Variants in WDPCP observed in about 807,000 individuals in gnomAD.
WDPCP encodes the protein WD repeat containing planar cell polarity effector.
A neutral mutation model predicts 93.1 loss-of-function variants in WDPCP; 71 were observed. That is an observed-to-expected ratio of 0.76 (90% confidence interval 0.63 to 0.93). The LOEUF (loss-of-function observed/expected upper bound fraction) is 0.93. Ranked by LOEUF, WDPCP falls within the 40% of genes least tolerant of loss-of-function variation. WDPCP has a pLI of 0.00. For synonymous variants in WDPCP, 315 were observed against 315.0 expected (o/e 1.00, Z 0.00); for missense variants, 844 against 887.4 (o/e 0.95, Z 0.62).
chr2:63,475,375 A>C (rs550734534), intron 6 of WDPCP, among the ~76,000 whole-genome samples: 1 of 152,090 alleles, frequency 6.6e-6, no homozygotes, highest in Admixed American at 6.6e-5. Context: ...AGTCTCCTTT[A>C]TGAAATCTTA....
At chr2:63,611,105 A>C (rs899649947) in intron 3 of WDPCP, among the ~76,000 whole-genome samples, 3 of 152,156 alleles carry the variant, frequency 2.0e-5, no homozygotes, top group African/African-American at 7.2e-5. Context: ...CTCAAAAAAA[A>C]CCATAAAAGC....
intron 3 of WDPCP, chr2:63,594,239 T>A (rs1001849880): frequency 4.8e-5 from 28 of 578,764 alleles, no homozygotes; most frequent in Admixed American, 9.4e-5. Context: ...TGGTAAAATA[T>A]CCCAAAAAAG....
rs531046290 is a variant in WDPCP, at chr2:63,827,430, T to C, written n.222+192A>G. 2.0e-4 allele frequency among the ~76,000 whole-genome samples: 31 copies of C among 152,334 alleles called. No homozygotes were observed. In the South Asian group the frequency reaches 3.1e-3, roughly 15 times the overall value. On this transcript the variant is annotated intron_variant and non_coding_transcript_variant, in intron 1 of 4. Coordinates refer to the WDPCP transcript ENST00000467687. The stretch of plus-strand genomic sequence containing the variant: ...TGGTCTCCTATACATGTTGATTGCA[T>C]ATTGGCCTTATTAGTCACAGCCATC...
rs13412005 is a variant in WDPCP at position 63,514,430 on chromosome 2, C to T, written c.76-21490G>A. On this transcript the variant is annotated intron_variant, in intron 1 of 17. Transcript: ENST00000272321. Reference sequence around the variant, plus strand: ...TCCTTCAAACTGATGGTCCGTTTAACTACATGGGTTGCACCATTGATACAG... The same window carrying T: ...TCCTTCAAACTGATGGTCCGTTTAATTACATGGGTTGCACCATTGATACAG... Among the ~76,000 whole-genome samples, 249 of 152,192 alleles carry T rather than the reference C, an allele frequency of 1.6e-3. 4 individuals are homozygous for T. Among genetic ancestry groups the T allele is most frequent in the Middle Eastern group, 6.8e-3 (2 of 294 alleles).
intron 6 of WDPCP, among the ~76,000 whole-genome samples, chr2:63,467,927 G>A (rs148129286): frequency 1.3e-5 from 2 of 152,100 alleles, no homozygotes; most frequent in Non-Finnish European, 2.9e-5. Flanking sequence ...AAATCTTTGT[G>A]AGTGTGATGG....
intron 2 of WDPCP, among the ~76,000 whole-genome samples, chr2:63,722,345 CAT>C (rs1293068881): frequency 6.8e-6 from 1 of 147,872 alleles, no homozygotes; most frequent in Non-Finnish European, 1.5e-5. Flanking sequence ...CCCGGCCGCC[CAT>C]CGTCTGAGAT....
chr2:63,207,159 G>T (rs1323760516), intron 14 of WDPCP, among the ~76,000 whole-genome samples: 1 of 152,164 alleles, frequency 6.6e-6, no homozygotes, highest in African/African-American at 2.4e-5. Context: ...TTACATAGAT[G>T]TCTCAAGTCA....
chr2:63,313,304 T>A lies in WDPCP; in HGVS notation c.1756A>T (p.Arg586Trp). ...GCTAGGAGAAATGCCTTTTCAAACC[T>A]CTGGTACCTACAAGGCAGAAAAAAA... The part of the protein sequence containing the change: ...RFFHHLLRYQ[R>W]FEKAFLLAVD... Residue 586 changes from arginine to tryptophan, a missense_variant, in exon 13 of 18, where the codon AGG becomes TGG. Physicochemically the swap from Arg to Trp is moderately radical, Grantham distance 101 (BLOSUM62 -3). Coordinates refer to ENST00000272321, the MANE Select transcript of WDPCP (RefSeq NM_015910.7). The A allele has an allele frequency of 1.2e-6, 2 of 1,613,416 alleles. No homozygotes were observed. Among genetic ancestry groups the A allele is most frequent in the Non-Finnish European group, 1.7e-6 (2 of 1,179,582 alleles).
At position 63,236,438 on chromosome 2, in the gene WDPCP, A is replaced by G. The variant is rs1679398252; in HGVS notation, c.1915+22869T>C. On this transcript the variant is annotated intron_variant, in intron 14 of 17. Transcript: ENST00000272321. ...CACAGATTAAATGCTATTCCTATCC[A>G]GTTACCAAGGTCATTTTTCACAGAA... Among the ~76,000 whole-genome samples, 4 of 152,334 alleles carry G rather than the reference A, an allele frequency of 2.6e-5. No homozygotes were observed. The South Asian group carries it at 8.3e-4, about 32-fold the overall frequency.
intron 2 of WDPCP, 65 bp from the exon 3 acceptor site, chr2:63,487,559 C>T: frequency 8.3e-7 from 1 of 1,207,780 alleles, no homozygotes; most frequent in Non-Finnish European, 1.2e-6. Context: ...GAAGCCAAGC[C>T]ATACTATATT....
chr2:63,594,172 T>TG (rs142443014), intron 3 of WDPCP: 5 of 495,272 alleles, frequency 1.0e-5, no homozygotes, highest in Non-Finnish European at 4.0e-6. Context: ...CTCTAGTGGC[T>TG]GCCAGGGTTT....
chr2:63,656,799 A>C (rs188136097), intron 2 of WDPCP, among the ~76,000 whole-genome samples: 95 of 152,366 alleles, frequency 6.2e-4, no homozygotes, highest in Non-Finnish European at 8.2e-4. Flanking sequence ...CTATCAAGGT[A>C]GTAAAGTTCA....
chr2:63,563,675 A>C (rs888605121), intron 1 of WDPCP, among the ~76,000 whole-genome samples: 1 of 152,040 alleles, frequency 6.6e-6, no homozygotes, highest in Non-Finnish European at 1.5e-5. Flanking sequence ...TTAGGAGGCA[A>C]TTCAGGTTAA....
At chr2:63,191,279 C>T (rs1002069879) in intron 14 of WDPCP, among the ~76,000 whole-genome samples, 1 of 152,104 alleles carries the variant, frequency 6.6e-6, no homozygotes, top group Non-Finnish European at 1.5e-5. Context: ...GTAGTCCCAG[C>T]TACTTGGGAG....
chr2:63,462,633 G>C (rs1008794789), intron 6 of WDPCP, among the ~76,000 whole-genome samples: 1 of 151,716 alleles, frequency 6.6e-6, no homozygotes, highest in Non-Finnish European at 1.5e-5. Flanking sequence ...GAAGTGAGGA[G>C]GTTCTGGCTA....
chr2:63,570,889 A>G (rs1707441917), intron 1 of WDPCP, among the ~76,000 whole-genome samples: 1 of 152,018 alleles, frequency 6.6e-6, no homozygotes, highest in African/African-American at 2.4e-5. Flanking sequence ...ACACTTTATG[A>G]AACTTTGGGT....
intron 4 of WDPCP, 85 bp downstream of exon 4, chr2:63,486,455 AAG>A: frequency 7.9e-7 from 1 of 1,271,692 alleles, no homozygotes; most frequent in Non-Finnish European, 1.1e-6. Flanking sequence ...GGAGGGAATA[AAG>A]TTTCCTCTTT....
chr2:63,143,295 T>A (rs550194901), intron 17 of WDPCP, among the ~76,000 whole-genome samples: 2 of 152,312 alleles, frequency 1.3e-5, no homozygotes, highest in African/African-American at 4.8e-5. Context: ...CCCTTTACTT[T>A]AAGTTTATGT....
At chr2:63,263,579 T>G (rs1681839775) in intron 13 of WDPCP, among the ~76,000 whole-genome samples, 1 of 152,232 alleles carries the variant, frequency 6.6e-6, no homozygotes, top group African/African-American at 2.4e-5. Context: ...AATAAATCTG[T>G]TTTCTTTATA....
Sources: gnomAD v4.1 joint callset for allele counts (sites outside exome capture counted in the v4.1 genomes callset) on GRCh38, gnomAD v4.1.1 for gene constraint, MANE v1.5 for transcripts, NCBI Gene and HGNC (gene_info 2026-07-23, HGNC 2026-07-21) for gene names.